DMC1: variants seen among roughly 807,000 people sequenced by gnomAD.
DMC1 encodes the protein DNA meiotic recombinase 1, also known as meiotic recombination protein DMC1 homolog.
Under a neutral mutation model 50.1 loss-of-function variants are expected in DMC1, and 27 were observed. The observed-to-expected ratio is 0.54, with a 90% CI of 0.40 to 0.74. DMC1 has a LOEUF of 0.74. Among genes scored for constraint, DMC1 ranks in the 30% least tolerant of loss-of-function variants. DMC1 has a pLI of 0.00. For missense variants in DMC1, 295 were observed against 420.2 expected (o/e 0.70, Z 2.60); for synonymous variants, 148 against 136.1 (o/e 1.09, Z -0.61).
intron 2 of DMC1, among the ~76,000 whole-genome samples, 164 bp from the exon 3 acceptor site, chr22:38,567,791 A>C (rs1021011240): frequency 6.6e-6 from 1 of 152,198 alleles, no homozygotes; most frequent in Admixed American, 6.5e-5. Context: ...AACACAGAAG[A>C]AGCACCAACA....
rs192663790 is a variant in DMC1 at position 38,545,021 on chromosome 22, G to T, written c.494+4904C>A. On this transcript the variant is annotated intron_variant, in intron 8 of 13. Transcript: ENST00000216024. ...CAAATGGCAAATAGCTATATGAAAA[G>T]GTGCTCAATGTCACTGATCATCAGA... 1.2e-4 allele frequency among the ~76,000 whole-genome samples: 18 copies of T among 152,222 alleles called. No individual in the cohort carries two copies. In the East Asian group the frequency reaches 1.7e-3, roughly 15 times the overall value.
intron 3 of DMC1, among the ~76,000 whole-genome samples, chr22:38,567,298 A>G (rs1465730079): frequency 6.6e-6 from 1 of 152,242 alleles, no homozygotes; most frequent in Admixed American, 6.5e-5. Context: ...CATTATTCAA[A>G]GGCTGGATTT....
intron 4 of DMC1, among the ~76,000 whole-genome samples, chr22:38,565,732 G>T (rs973352402): frequency 6.6e-6 from 1 of 152,230 alleles, no homozygotes; most frequent in African/African-American, 2.4e-5. Flanking sequence ...GCATCAGTAT[G>T]GGTTAGCTTA....
intron 12 of DMC1, 130 bp from the exon 13 acceptor site, chr22:38,521,854 G>A: frequency 1.3e-6 from 1 of 751,756 alleles, no homozygotes; most frequent in Admixed American, 1.9e-5. Context: ...ACAAGCAGAG[G>A]CTTGTTCATA....
chr22:38,538,713 G>GAATTT, intron 9 of DMC1, 101 bp from the exon 10 acceptor site: 1 of 1,048,222 alleles, frequency 9.5e-7, no homozygotes, highest in Non-Finnish European at 1.5e-6. Context: ...TTCCTTGAAG[G>GAATTT]ATTTTCTTAA....
At position 38,555,000 on chromosome 22, in the gene DMC1, C is replaced by T. The variant is rs1195758804; in HGVS notation, c.379+357G>A. Among the ~76,000 whole-genome samples the T allele has an allele frequency of 2.0e-5, 3 of 151,138 alleles. No homozygotes were observed. In the Admixed American group the frequency reaches 2.0e-4, roughly 10 times the overall value. Reference sequence around the variant, plus strand: ...TCGGGAGGCTGAGGCAGGAGAATGGCGTGAACCCGGGAGGCAGAGCTTGCA... The same window carrying T: ...TCGGGAGGCTGAGGCAGGAGAATGGTGTGAACCCGGGAGGCAGAGCTTGCA... On this transcript the variant is annotated intron_variant, in intron 6 of 13. Transcript: ENST00000216024.
downstream of DMC1, among the ~76,000 whole-genome samples, chr22:38,516,318 C>T (rs1045939052): frequency 6.6e-6 from 1 of 152,188 alleles, no homozygotes; most frequent in African/African-American, 2.4e-5. Context: ...CTCCACTGAA[C>T]TTTAGGCCTT....
chr22:38,524,738 T>C (rs1200372661), intron 12 of DMC1, among the ~76,000 whole-genome samples: 2 of 152,092 alleles, frequency 1.3e-5, no homozygotes, highest in Admixed American at 1.3e-4. Context: ...CCTGAAACAG[T>C]AGAAAACTGG....
At position 38,568,290 on chromosome 22, in the gene DMC1, C is replaced by T; in HGVS notation, c.-33-1G>A. The T allele has an allele frequency of 6.2e-7, 1 of 1,608,290 alleles. No homozygotes were observed. Among genetic ancestry groups the T allele is most frequent in the Non-Finnish European group, 8.5e-7 (1 of 1,174,712 alleles). ...GTGGGCAACAGAAAAATAATCACTTCTGGGAAAATAAGAAATATTATGTAA... is the reference window on the plus strand; with the variant it reads ...GTGGGCAACAGAAAAATAATCACTTTTGGGAAAATAAGAAATATTATGTAA... On this transcript the variant is annotated splice_acceptor_variant, in intron 1 of 13. Transcript: ENST00000216024. LOFTEE classifies it low-confidence loss of function (5UTR_SPLICE).
downstream of DMC1, among the ~76,000 whole-genome samples, chr22:38,516,689 A>T (rs1241999600): frequency 1.3e-5 from 2 of 152,160 alleles, no homozygotes; most frequent in African/African-American, 4.8e-5. Flanking sequence ...CCATGCAGAG[A>T]TCACTGGGGA....
In DMC1 at chr22:38,532,655, T is replaced by C. The variant is rs2090165924; in HGVS notation, c.836+4937A>G. On this transcript the variant is annotated intron_variant, in intron 12 of 13. Transcript: ENST00000216024. Reference sequence around the variant, plus strand: ...TTTTTTTTGAGACAGGTTCTCACTCTCTTGCCCAGGCTGGAGTGCAGTGGT... The same window carrying C: ...TTTTTTTTGAGACAGGTTCTCACTCCCTTGCCCAGGCTGGAGTGCAGTGGT... 2.0e-5 allele frequency among the ~76,000 whole-genome samples: 3 copies of C among 151,426 alleles called. No individual in the cohort carries two copies. In the South Asian group the frequency reaches 6.3e-4, roughly 32 times the overall value.
rs183357330 is a variant in DMC1 at position 38,538,820 on chromosome 22, G to A, written c.587-208C>T. On this transcript the variant is annotated intron_variant, in intron 9 of 13. Coordinates refer to ENST00000216024, the MANE Select transcript of DMC1 (RefSeq NM_007068.4). ...GAGGCCGAGGCAGGTGGATCACTTGGGGTCAGGAGTTCAAGACCAGCCTTG... is the reference window on the plus strand; with the variant it reads ...GAGGCCGAGGCAGGTGGATCACTTGAGGTCAGGAGTTCAAGACCAGCCTTG... Among the ~76,000 whole-genome samples, 401 of 152,102 alleles carry A rather than the reference G, an allele frequency of 2.6e-3. 3 individuals are homozygous for A. The highest frequency in any genetic ancestry group is 4.0e-3 in the Non-Finnish European group (273 of 67,994).
rs2090005861 is a variant in DMC1 at position 38,519,961 on chromosome 22, C to G, written c.*59G>C. On this transcript the variant is annotated 3_prime_UTR_variant, in exon 14 of 14. Transcript: ENST00000216024. ...TTTCAAGATGTGAAATTGGAGACTG[C>G]TTTTCCATTTCTTCAGCTCCTAATA... 7.1e-7 allele frequency: 1 copy of G among 1,416,086 alleles called. No individual in the cohort carries two copies. 87.7% of individuals were successfully genotyped at this position (1,416,086 alleles called of 1,614,324 possible). A position where few individuals can be genotyped will look rare whatever the true frequency, so the allele number is the denominator to read the frequency against.
the DMC1 span, among the ~76,000 whole-genome samples, chr22:38,509,401 T>C: frequency 1.5e-4 from 23 of 152,320 alleles, no homozygotes; most frequent in African/African-American, 5.1e-4. Context: ...TAGTCTTCAC[T>C]GATGCTTTCT....
At chr22:38,553,756 C>T (rs1009994430) in intron 6 of DMC1, among the ~76,000 whole-genome samples, 47 of 151,362 alleles carry the variant, frequency 3.1e-4, no homozygotes, top group Non-Finnish European at 5.6e-4. Context: ...CTCAGGAGTT[C>T]GAGACCAGCC....
intron 1 of DMC1, among the ~76,000 whole-genome samples, chr22:38,568,815 G>A (rs940592347): frequency 6.6e-6 from 1 of 152,112 alleles, no homozygotes; most frequent in African/African-American, 2.4e-5. Context: ...GGGTACTCCT[G>A]TAACATCCAC....
chr22:38,522,813 T>A (rs567724655), intron 12 of DMC1, among the ~76,000 whole-genome samples: 3 of 152,324 alleles, frequency 2.0e-5, no homozygotes, highest in African/African-American at 7.2e-5. Flanking sequence ...TGGCATGAGG[T>A]TAAATATATT....
rs751224960 is a variant in DMC1, at chr22:38,567,636, G to A, written c.52-9C>T. ...TCTTGAAACAAAGATTCCTAAAGGA[G>A]ATGAAACAGAAAAAATGAAGTTTTG... On this transcript the variant is annotated splice_polypyrimidine_tract_variant and intron_variant, in intron 2 of 13. Transcript: ENST00000216024. 6.3e-7 allele frequency: 1 copy of A among 1,599,592 alleles called. No homozygotes were observed. The highest frequency in any genetic ancestry group is 1.1e-5 in the South Asian group (1 of 90,732).
At chr22:38,568,343 G>A (rs1248214048) in intron 1 of DMC1, 54 bp from the exon 2 acceptor site, 1 of 1,344,850 alleles carries the variant, frequency 7.4e-7, no homozygotes, top group Non-Finnish European at 1.1e-6. Flanking sequence ...AGGGGCCTCT[G>A]ATTTCATTTC....
Sources: gnomAD v4.1 joint callset for allele counts (sites outside exome capture counted in the v4.1 genomes callset) on GRCh38, gnomAD v4.1.1 for gene constraint, MANE v1.5 for transcripts, NCBI Gene and HGNC (gene_info 2026-07-23, HGNC 2026-07-21) for gene names.